The following MACROD2 variants were observed in gnomAD, a reference collection of about 807,000 sequenced individuals.
MACROD2 encodes mono-ADP ribosylhydrolase 2, also known as ADP-ribose glycohydrolase MACROD2.
A neutral mutation model predicts 70.4 loss-of-function variants in MACROD2; 36 were observed. The ratio of observed to expected loss-of-function variants is 0.51; its 90% CI spans 0.39 to 0.68. MACROD2 has a LOEUF of 0.68. Among genes scored for constraint, MACROD2 ranks in the 30% least tolerant of loss-of-function variants. MACROD2 has a pLI of 0.00. For missense variants in MACROD2, 496 were observed against 538.4 expected (o/e 0.92, Z 0.78); for synonymous variants, 172 against 178.8 (o/e 0.96, Z 0.30).
rs562850250 is a variant in MACROD2, at chr20:14,646,523, G to A, written c.302-38320G>A. Reference sequence around the variant, plus strand: ...GCAAGATAATTAGTTATATATAAACGTCAGTCAGAGAACTTAGTGGATTCA... The same window carrying A: ...GCAAGATAATTAGTTATATATAAACATCAGTCAGAGAACTTAGTGGATTCA... On this transcript the variant is annotated intron_variant, in intron 4 of 17. Transcript: ENST00000684519. Among the ~76,000 whole-genome samples, 18 of 152,010 alleles carry A rather than the reference G, an allele frequency of 1.2e-4. No individual in the cohort carries two copies. In the East Asian group the frequency reaches 3.1e-3, roughly 26 times the overall value.
intron 6 of MACROD2, among the ~76,000 whole-genome samples, chr20:15,258,505 T>C (rs2077219817): frequency 6.6e-6 from 1 of 152,138 alleles, no homozygotes; most frequent in Non-Finnish European, 1.5e-5. Context: ...GTCTGCAGTA[T>C]TCAGGAAAGT....
intron 5 of MACROD2, among the ~76,000 whole-genome samples, chr20:14,746,317 G>C (rs2071799181): frequency 6.6e-6 from 1 of 152,132 alleles, no homozygotes; most frequent in Admixed American, 6.6e-5. Context: ...CAGAGGAGCT[G>C]ACATAAAAGT....
intron 4 of MACROD2, among the ~76,000 whole-genome samples, chr20:14,655,319 C>CTG (rs11470954): frequency 0.056 from 7,877 of 141,606 alleles, 209 homozygotes; most frequent in South Asian, 0.094. Flanking sequence ...AAAGTGGACA[C>CTG]TGTGTGTGTG....
intron 5 of MACROD2, among the ~76,000 whole-genome samples, chr20:14,956,333 A>G (rs999461886): frequency 1.2e-4 from 19 of 152,176 alleles, no homozygotes; most frequent in Non-Finnish European, 2.9e-5. Flanking sequence ...CTAAAACAGA[A>G]AAAAGATCAA....
rs536000364 is a variant in MACROD2, at chr20:14,676,517, A to T, written c.302-8326A>T. ...GAAATAAATAAATTCTTTGAAACCA[A>T]TGAGAACAAAGACACAACATACCAG... On this transcript the variant is annotated intron_variant, in intron 4 of 17. Transcript: ENST00000684519. 1.6e-4 allele frequency among the ~76,000 whole-genome samples: 25 copies of T among 152,346 alleles called. No homozygotes were observed. The South Asian group carries it at 3.3e-3, about 20-fold the overall frequency.
chr20:15,806,292 C>T (rs891456961), intron 8 of MACROD2, among the ~76,000 whole-genome samples: 1 of 152,152 alleles, frequency 6.6e-6, no homozygotes, highest in Non-Finnish European at 1.5e-5. Flanking sequence ...CTCAACATTG[C>T]AGCTAGTGAC....
chr20:15,834,491 C>T (rs146813564), intron 8 of MACROD2, among the ~76,000 whole-genome samples: 50 of 152,264 alleles, frequency 3.3e-4, no homozygotes, highest in Middle Eastern at 6.8e-3. Flanking sequence ...TTGCCTTATC[C>T]GTTGCCCCGG....
intron 7 of MACROD2, among the ~76,000 whole-genome samples, chr20:15,444,050 A>T (rs6043283): frequency 0.43 from 64,600 of 151,972 alleles, 13,861 homozygotes; most frequent in African/African-American, 0.48. Flanking sequence ...CCCAAAAGAA[A>T]TCCCACATTA....
intron 5 of MACROD2, among the ~76,000 whole-genome samples, chr20:15,089,146 G>A (rs1427431414): frequency 1.3e-5 from 2 of 152,086 alleles, no homozygotes; most frequent in African/African-American, 4.8e-5. Context: ...AAAATGCAAT[G>A]CCTTGCAAAG....
intron 8 of MACROD2, among the ~76,000 whole-genome samples, chr20:15,789,940 G>C (rs1247551500): frequency 6.6e-6 from 1 of 151,910 alleles, no homozygotes; most frequent in South Asian, 2.1e-4. Flanking sequence ...AAATTATATA[G>C]AAAATTATTA....
intron 4 of MACROD2, among the ~76,000 whole-genome samples, chr20:14,512,565 C>T (rs1055566369): frequency 3.3e-5 from 5 of 152,092 alleles, no homozygotes; most frequent in Admixed American, 1.3e-4. Flanking sequence ...AATGAGACCT[C>T]GCTGCCCAGA....
At chr20:15,813,323 A>G (rs2063839543) in intron 8 of MACROD2, among the ~76,000 whole-genome samples, 1 of 152,352 alleles carries the variant, frequency 6.6e-6, no homozygotes, top group Admixed American at 6.5e-5. Flanking sequence ...ATGCTCATAT[A>G]AAAGGCAAAA....
chr20:15,343,375 A>C (rs185143738), intron 6 of MACROD2, among the ~76,000 whole-genome samples: 1 of 152,320 alleles, frequency 6.6e-6, no homozygotes, highest in East Asian at 1.9e-4. Flanking sequence ...CTACTAAATA[A>C]AAATGTTGGA....
chr20:15,090,811 A>G (rs1287446098), intron 5 of MACROD2, among the ~76,000 whole-genome samples: 1 of 152,094 alleles, frequency 6.6e-6, no homozygotes, highest in African/African-American at 2.4e-5. Flanking sequence ...CAGGAATACA[A>G]AGCCTGGTGA....
intron 5 of MACROD2, among the ~76,000 whole-genome samples, chr20:14,956,525 C>A (rs923515327): frequency 8.6e-5 from 13 of 151,992 alleles, no homozygotes; most frequent in East Asian, 3.9e-4. Context: ...AGTCCTATTA[C>A]CATGCCACCC....
intron 8 of MACROD2, among the ~76,000 whole-genome samples, chr20:15,815,353 C>T (rs1258316536): frequency 6.6e-6 from 1 of 151,796 alleles, no homozygotes; most frequent in Non-Finnish European, 1.5e-5. Flanking sequence ...TGTTATATGC[C>T]CCAAGGCTGA....
At chr20:15,847,129 T>C (rs2147140834) in intron 8 of MACROD2, among the ~76,000 whole-genome samples, 1 of 152,248 alleles carries the variant, frequency 6.6e-6, no homozygotes, top group Middle Eastern at 3.4e-3. Flanking sequence ...CCAAATATTT[T>C]TTACAGCTGT....
chr20:15,260,262 C>T (rs2146043409), intron 6 of MACROD2, among the ~76,000 whole-genome samples: 1 of 151,422 alleles, frequency 6.6e-6, no homozygotes, highest in African/African-American at 2.4e-5. Flanking sequence ...TGCCCATTAA[C>T]CATTCCCTCT....
At chr20:15,143,597 T>C (rs892206134) in intron 5 of MACROD2, among the ~76,000 whole-genome samples, 2 of 145,844 alleles carry the variant, frequency 1.4e-5, no homozygotes, top group African/African-American at 4.8e-5. Context: ...CATGCCTTCA[T>C]AGGCATTTTT....
Sources: gnomAD v4.1 joint callset for allele counts (sites outside exome capture counted in the v4.1 genomes callset) on GRCh38, gnomAD v4.1.1 for gene constraint, MANE v1.5 for transcripts, NCBI Gene and HGNC (gene_info 2026-07-23, HGNC 2026-07-21) for gene names.